The following CCSER1 variants were observed in gnomAD, a reference collection of about 807,000 sequenced individuals.
CCSER1 encodes the protein serine-rich coiled-coil domain-containing protein 1.
Under a neutral mutation model 82.0 loss-of-function variants are expected in CCSER1, and 41 were observed. The ratio of observed to expected loss-of-function variants is 0.50; its 90% CI spans 0.39 to 0.65. CCSER1 has a LOEUF of 0.65. CCSER1 is among the 30% of genes least tolerant of loss of function. CCSER1 has a pLI of 0.00. For missense variants in CCSER1, 1,119 were observed against 1,064.2 expected (o/e 1.05, Z -0.72); for synonymous variants, 414 against 383.9 (o/e 1.08, Z -0.92).
intron 1 of CCSER1, among the ~76,000 whole-genome samples, chr4:90,192,796 T>C (rs1032509399): frequency 6.6e-6 from 1 of 151,992 alleles, no homozygotes; most frequent in African/African-American, 2.4e-5. Context: ...TGTGTTGTGT[T>C]TAGAGGATCA....
intron 10 of CCSER1, among the ~76,000 whole-genome samples, chr4:91,264,732 T>C (rs143423416): frequency 1.9e-3 from 286 of 152,136 alleles, no homozygotes; most frequent in African/African-American, 6.7e-3. Flanking sequence ...GCTTCTGAGA[T>C]AGAGATCAGG....
At chr4:91,376,795 A>G (rs1238495807) in intron 10 of CCSER1, among the ~76,000 whole-genome samples, 1 of 152,174 alleles carries the variant, frequency 6.6e-6, no homozygotes, top group African/African-American at 2.4e-5. Context: ...TCTAGGGTAC[A>G]TGTGCACAAT....
intron 9 of CCSER1, among the ~76,000 whole-genome samples, chr4:91,066,950 G>A (rs1313363145): frequency 2.6e-5 from 4 of 152,014 alleles, no homozygotes; most frequent in African/African-American, 4.8e-5. Flanking sequence ...CAGATCACGA[G>A]GTCAGGAGAT....
At chr4:90,736,695 C>G (rs569204414) in intron 7 of CCSER1, among the ~76,000 whole-genome samples, 81 of 152,098 alleles carry the variant, frequency 5.3e-4, no homozygotes, top group African/African-American at 1.9e-3. Context: ...ATTTCATTTA[C>G]ATTCAATGAT....
intron 5 of CCSER1, among the ~76,000 whole-genome samples, chr4:90,579,888 A>C (rs1341260991): frequency 6.6e-6 from 1 of 150,994 alleles, no homozygotes; most frequent in African/African-American, 2.5e-5. Context: ...AAGATGGCTA[A>C]AGTCATTTAT....
chr4:90,854,885 A>C (rs1482620214), intron 8 of CCSER1, among the ~76,000 whole-genome samples: 1 of 152,162 alleles, frequency 6.6e-6, no homozygotes, highest in Non-Finnish European at 1.5e-5. Flanking sequence ...TCACAGTTCC[A>C]CTGGCTCTAC....
intron 10 of CCSER1, among the ~76,000 whole-genome samples, chr4:91,104,031 T>C (rs1174616055): frequency 6.6e-6 from 1 of 152,242 alleles, no homozygotes; most frequent in African/African-American, 2.4e-5. Context: ...GTCTGTCTTA[T>C]GCATTTGAGA....
Position 90,246,963 on chromosome 4 carries a change from G to A in CCSER1, c.-41-61281G>A, listed in dbSNP as rs115328716. On this transcript the variant is annotated intron_variant, in intron 1 of 10. Transcript: ENST00000509176. ...GACATATCCAAATGGCCAGCATCAC[G>A]GGGGCCATTATTAAGTAAAAAAAAG... is the stretch of plus-strand genomic sequence containing the variant. Among the ~76,000 whole-genome samples, 1,088 of 151,874 alleles carry A rather than the reference G, an allele frequency of 7.2e-3. 10 individuals are homozygous for A. The highest frequency in any genetic ancestry group is 0.025 in the African/African-American group (1,053 of 41,414).
intron 10 of CCSER1, among the ~76,000 whole-genome samples, chr4:91,444,270 T>G (rs1045909760): frequency 1.3e-5 from 2 of 152,154 alleles, no homozygotes; most frequent in Non-Finnish European, 1.5e-5. Context: ...ACAAGGAGCA[T>G]AAGCTAAATT....
intron 7 of CCSER1, among the ~76,000 whole-genome samples, chr4:90,811,342 A>C (rs1174034974): frequency 6.6e-6 from 1 of 152,244 alleles, no homozygotes; most frequent in Non-Finnish European, 1.5e-5. Flanking sequence ...AGCAAGTAAC[A>C]GTTAATGAAG....
intron 9 of CCSER1, among the ~76,000 whole-genome samples, chr4:91,037,184 C>T (rs1741504588): frequency 6.6e-6 from 1 of 152,098 alleles, no homozygotes; most frequent in South Asian, 2.1e-4. Flanking sequence ...TCATACTGCT[C>T]TTCCCTTCTG....
chr4:90,211,504 A>G (rs1186036101), intron 1 of CCSER1, among the ~76,000 whole-genome samples: 2 of 152,220 alleles, frequency 1.3e-5, no homozygotes, highest in Non-Finnish European at 2.9e-5. Flanking sequence ...TCTCCATTGC[A>G]TTTTATTAGA....
intron 7 of CCSER1, among the ~76,000 whole-genome samples, chr4:90,738,971 G>A (rs1337833274): frequency 6.6e-6 from 1 of 152,142 alleles, no homozygotes; most frequent in East Asian, 1.9e-4. Context: ...CCACTATGGT[G>A]GAACTGGTAC....
chr4:91,344,825 GATA>G (rs986780902), intron 10 of CCSER1, among the ~76,000 whole-genome samples: 5 of 152,030 alleles, frequency 3.3e-5, no homozygotes, highest in African/African-American at 1.2e-4. Context: ...CATACTGGGG[GATA>G]ATATTACAGT....
chr4:90,225,059 C>CT (rs148772182), intron 1 of CCSER1, among the ~76,000 whole-genome samples: 2,291 of 148,260 alleles, frequency 0.015, 27 homozygotes, highest in African/African-American at 0.039. Context: ...AAATGACTTC[C>CT]TTTTTTTTTT....
At chr4:91,588,138 T>A (rs1285536973) in intron 10 of CCSER1, among the ~76,000 whole-genome samples, 1 of 151,538 alleles carries the variant, frequency 6.6e-6, no homozygotes, top group Non-Finnish European at 1.5e-5. Context: ...TTTTTAAGGA[T>A]GACTAACTTT....
chr4:91,474,091 T>A (rs1244809056), intron 10 of CCSER1, among the ~76,000 whole-genome samples: 1 of 152,084 alleles, frequency 6.6e-6, no homozygotes, highest in Non-Finnish European at 1.5e-5. Flanking sequence ...TTTTGCATGT[T>A]CTATCTAATT....
At chr4:90,254,945 GTA>G (rs1338734069) in intron 1 of CCSER1, among the ~76,000 whole-genome samples, 1 of 150,044 alleles carries the variant, frequency 6.7e-6, no homozygotes, top group Admixed American at 6.7e-5. Context: ...TTTTTTAAAA[GTA>G]TATGTTGATA....
intron 10 of CCSER1, among the ~76,000 whole-genome samples, chr4:91,503,934 A>G (rs1031336420): frequency 2.0e-5 from 3 of 152,212 alleles, no homozygotes; most frequent in African/African-American, 7.2e-5. Context: ...TTTAATAAGT[A>G]CCACTAAATT....
Sources: gnomAD v4.1 joint callset for allele counts (sites outside exome capture counted in the v4.1 genomes callset) on GRCh38, gnomAD v4.1.1 for gene constraint, MANE v1.5 for transcripts, NCBI Gene and HGNC (gene_info 2026-07-23, HGNC 2026-07-21) for gene names.